The following PHRF1 variants were observed in gnomAD, a reference collection of about 807,000 sequenced individuals.
The protein encoded by PHRF1 is PHD and RING finger domain-containing protein 1.
PHRF1 carries 53 observed loss-of-function variants against 128.9 expected under a neutral mutation model. The observed-to-expected ratio is 0.41, with a 90% CI of 0.33 to 0.52. The LOEUF is 0.52. Ranked by LOEUF, PHRF1 falls within the 20% of genes least tolerant of loss-of-function variation. The pLI, the probability that PHRF1 is intolerant of heterozygous loss-of-function variation, is 0.21. For missense variants in PHRF1, 2,503 were observed against 2,284.5 expected (o/e 1.10, Z -1.95); for synonymous variants, 1,178 against 980.6 (o/e 1.20, Z -3.76).
chr11:584,173 A>G (rs1327685779), intron 3 of PHRF1, among the ~76,000 whole-genome samples: 1 of 152,154 alleles, frequency 6.6e-6, no homozygotes, highest in Non-Finnish European at 1.5e-5. Flanking sequence ...TTGGGTCTGC[A>G]GGTCCTGAGG....
chr11:595,325 TA>T (rs1855217959), intron 6 of PHRF1, among the ~76,000 whole-genome samples: 2 of 152,308 alleles, frequency 1.3e-5, no homozygotes, highest in South Asian at 4.2e-4. Flanking sequence ...AAAAAAACAC[TA>T]TCTGTAGATA....
At position 608,561 on chromosome 11, in the gene PHRF1, A is replaced by T. The variant is rs1453983436; in HGVS notation, c.3105A>T (p.Pro1035=). The part of the protein sequence containing the change: ...SRDRSSRSAS[P]SVGEERPRRQ... ...ACAGGAGCTCGAGGTCAGCGTCACC[A>T]TCAGTGGGTGAGGAGCGCCCCAGGA... Residue 1035 remains proline, a synonymous_variant, in exon 14 of 18, where the codon CCA becomes CCT. Coordinates refer to ENST00000264555, the MANE Select transcript of PHRF1 (RefSeq NM_001286581.2). 1 of 1,612,184 alleles carries T rather than the reference A, an allele frequency of 6.2e-7. No individual in the cohort carries two copies. Among genetic ancestry groups the T allele is most frequent in the African/African-American group, 1.3e-5 (1 of 74,920 alleles).
intron 1 of PHRF1, 50 bp from the exon 2 acceptor site, chr11:581,442 C>G: frequency 1.3e-6 from 2 of 1,550,164 alleles, no homozygotes; most frequent in Non-Finnish European, 1.8e-6. Context: ...TCAGAGGGTT[C>G]TTTGCAGCCT....
At position 608,872 on chromosome 11, in the gene PHRF1, G is replaced by A. The variant is rs1015617174; in HGVS notation, c.3416G>A (p.Arg1139Gln). 5 of 1,612,388 alleles carry A rather than the reference G, an allele frequency of 3.1e-6. No individual in the cohort carries two copies. The highest frequency in any genetic ancestry group is 1.1e-5 in the South Asian group (1 of 91,076). The part of the protein sequence containing the change: ...LERLCRHKHQ[R>Q]ERSHERPDRK... ...AGGCTCTGCAGGCACAAGCATCAGC[G>A]GGAACGCAGCCACGAGCGGCCAGAC... is the stretch of plus-strand genomic sequence containing the variant. The change falls in exon 14 of 18, where the codon CGG (arginine) becomes CAG (glutamine). Residue 1139 changes from arginine to glutamine, a missense_variant. Arg to Gln is a conservative substitution (Grantham distance 43). Transcript: ENST00000264555.
At chr11:600,512 A>ATATATATATATATATATGTATGTATG (rs1437772767) in intron 9 of PHRF1, among the ~76,000 whole-genome samples, 3 of 144,514 alleles carry the variant, frequency 2.1e-5, no homozygotes, top group African/African-American at 7.9e-5. Context: ...ATATATATAT[A>ATATATATATATATATATGTATGTATG]TATATATGGT....
chr11:604,187 C>T (rs557903968), intron 10 of PHRF1, among the ~76,000 whole-genome samples: 8 of 152,328 alleles, frequency 5.3e-5, no homozygotes, highest in Admixed American at 2.6e-4. Flanking sequence ...GTTGGAACCT[C>T]GTCTCCCATC....
Position 607,657 on chromosome 11 carries a change from G to A in PHRF1, c.2201G>A (p.Ser734Asn), listed in dbSNP as rs1856036233. ...GGCACACGGGCAGAGAGCGAGGCCA[G>A]CAGCAGGGTGCCCCGGGAGCCCGGG... ...GRGTRAESEASSRVPREPGVH... is the reference protein window; with the variant it reads ...GRGTRAESEANSRVPREPGVH... Residue 734 changes from serine to asparagine, a missense_variant, in exon 14 of 18, where the codon AGC becomes AAC. Transcript: ENST00000264555. The A allele has an allele frequency of 6.2e-6, 10 of 1,610,542 alleles. No individual in the cohort carries two copies. In the South Asian group the frequency reaches 1.1e-4, roughly 18 times the overall value.
At position 597,651 on chromosome 11, in the gene PHRF1, C is replaced by CCA; in HGVS notation, c.894+81_894+82insCA. 1 of 1,476,796 alleles carries CCA rather than the reference C, an allele frequency of 6.8e-7. No homozygotes were observed. The highest frequency in any genetic ancestry group is 2.1e-5 in the Admixed American group (1 of 48,326). 91.5% of individuals were successfully genotyped at this position (1,476,796 alleles called of 1,614,324 possible). A position where few individuals can be genotyped will look rare whatever the true frequency, so the allele number is the denominator to read the frequency against. ...CGGCAGTCTGGGTGGGTGGGAGGGG[C>CCA]GTCGTCGGCACTGTGGGGTCCGCCC... On this transcript the variant is annotated intron_variant, in intron 8 of 17. Coordinates refer to ENST00000264555, the MANE Select transcript of PHRF1 (RefSeq NM_001286581.2). The surrounding 1 kb of genome is among the most constrained non-coding windows in gnomAD (Gnocchi z 6.5).
At chr11:602,160 C>T (rs1458172115) in intron 10 of PHRF1, among the ~76,000 whole-genome samples, 2 of 152,154 alleles carry the variant, frequency 1.3e-5, no homozygotes, top group Non-Finnish European at 2.9e-5. Flanking sequence ...GCCCTGGGAG[C>T]GGCCTCCTTG....
rs1589856260 is a variant in PHRF1 at position 581,505 on chromosome 11, G to T, written c.-8G>T. The T allele has an allele frequency of 3.1e-6, 5 of 1,613,560 alleles. No homozygotes were observed. The highest frequency in any genetic ancestry group is 4.2e-6 in the Non-Finnish European group (5 of 1,179,830). ...TCTTTCTTTCAGAGCTGAGCTCAAT[G>T]TGCAGCAATGGATGACGACAGCCTG... On this transcript the variant is annotated 5_prime_UTR_variant, in exon 2 of 18. The change abolishes an upstream ATG in the 5' untranslated region. Coordinates refer to ENST00000264555, the MANE Select transcript of PHRF1 (RefSeq NM_001286581.2).
intron 5 of PHRF1, 102 bp downstream of exon 5, chr11:591,569 G>T: frequency 2.0e-6 from 2 of 995,642 alleles, no homozygotes; most frequent in Non-Finnish European, 1.4e-6. Flanking sequence ...TGAAATGAGG[G>T]TTGGTTAAAT....
intron 3 of PHRF1, among the ~76,000 whole-genome samples, chr11:586,223 A>C (rs1157696728): frequency 6.6e-6 from 1 of 151,108 alleles, no homozygotes; most frequent in African/African-American, 2.4e-5. Flanking sequence ...CTATCTCCTG[A>C]CCTCGTGATC....
rs774665748 is a variant in PHRF1, at chr11:608,462, G to A, written c.3006G>A (p.Arg1002=). The A allele has an allele frequency of 8.7e-6, 14 of 1,612,540 alleles. No individual in the cohort carries two copies. The highest frequency in any genetic ancestry group is 1.1e-5 in the Non-Finnish European group (13 of 1,179,846). The change falls in exon 14 of 18, where the codon AGG becomes AGA. Residue 1002 remains arginine (R), a synonymous_variant. Transcript: ENST00000264555. ...RSRSTSSSRS[R]KKAKRKRVSR... ...GCTCCACATCCAGCTCCCGCAGCAG[G>A]AAGAAGGCCAAGAGGAAGAGGGTGT...
chr11:598,421 G>A lies in PHRF1; in HGVS notation c.943G>A (p.Ala315Thr). The change falls in exon 9 of 18, where the codon GCT becomes ACT. Residue 315 changes from alanine (A) to threonine (T), a missense_variant. Ala to Thr is a moderately conservative substitution (Grantham distance 58). Coordinates refer to ENST00000264555, the MANE Select transcript of PHRF1 (RefSeq NM_001286581.2). ...GSSLLDEAIE[A>T]VATGLSTAVY... ...TTCCCTGCTGGATGAAGCCATCGAG[G>A]CTGTGGCGACTGGCCTGAGCACTGC... 1.2e-6 allele frequency: 2 copies of A among 1,610,378 alleles called. No individual in the cohort carries two copies. The highest frequency in any genetic ancestry group is 8.5e-7 in the Non-Finnish European group (1 of 1,179,576).
chr11:611,360 G>A lies in PHRF1; in HGVS notation c.4807-274G>A, dbSNP rs560118323. Among the ~76,000 whole-genome samples the A allele has an allele frequency of 1.6e-3, 243 of 152,300 alleles. 1 individual carries two copies. Among genetic ancestry groups the A allele is most frequent in the Non-Finnish European group, 2.9e-3 (198 of 68,024 alleles). On this transcript the variant is annotated intron_variant, in intron 17 of 17. Transcript: ENST00000264555. ...ACGCCCAGCTTACAGGTGGGAGAAC[G>A]ACCCCCAGAGGTGAGCAGTTGCCTG...
At chr11:581,348 G>A in intron 1 of PHRF1, 144 bp from the exon 2 acceptor site, 1 of 657,750 alleles carries the variant, frequency 1.5e-6, no homozygotes, top group Non-Finnish European at 2.6e-6. Flanking sequence ...TGTTCTGTGG[G>A]TGATATCTCA....
chr11:584,398 G>A (rs574052770), intron 3 of PHRF1, among the ~76,000 whole-genome samples: 30 of 152,224 alleles, frequency 2.0e-4, no homozygotes, highest in Non-Finnish European at 3.5e-4. Context: ...CCCCCACCGT[G>A]TCTGCGCTCA....
In PHRF1 at chr11:606,573, G is replaced by T. The variant is rs1032120542; in HGVS notation, c.1586G>T (p.Gly529Val). 1.9e-6 allele frequency: 3 copies of T among 1,607,130 alleles called. No individual in the cohort carries two copies. Among genetic ancestry groups the T allele is most frequent in the Non-Finnish European group, 2.5e-6 (3 of 1,177,612 alleles). The part of the protein sequence containing the change: ...GSSDVIIHRD[G>V]SLSAKRAAPV... ...AGTGATGTCATCATCCACCGCGACG[G>T]CTCCCTCAGCGCCAAGAGGGCGGGT... Residue 529 changes from glycine (G) to valine (V), a missense_variant, in exon 13 of 18, where the codon GGC becomes GTC. Gly to Val is a moderately radical substitution (Grantham distance 109, BLOSUM62 -3). Transcript: ENST00000264555.
rs1159024015 is a variant in PHRF1, at chr11:597,280, G to A, written c.719-115G>A. On this transcript the variant is annotated intron_variant, in intron 7 of 17. Transcript: ENST00000264555. The surrounding 1 kb of genome is among the most constrained non-coding windows in gnomAD (Gnocchi z 6.5). ...GGCTCCATGAGCAGCCCTGGGTCCTGTGCACAGGTCAGCCCGAGCCAGGGC... is the reference window on the plus strand; with the variant it reads ...GGCTCCATGAGCAGCCCTGGGTCCTATGCACAGGTCAGCCCGAGCCAGGGC... 7.4e-7 allele frequency: 1 copy of A among 1,343,602 alleles called. No individual in the cohort carries two copies. Among genetic ancestry groups the A allele is most frequent in the East Asian group, 2.5e-5 (1 of 39,914 alleles). 83.2% of individuals were successfully genotyped at this position (1,343,602 alleles called of 1,614,324 possible).
Sources: gnomAD v4.1 joint callset for allele counts (sites outside exome capture counted in the v4.1 genomes callset) on GRCh38, gnomAD v4.1.1 for gene constraint, Gnocchi (gnomAD v3.1) non-coding constraint, MANE v1.5 for transcripts, NCBI Gene and HGNC (gene_info 2026-07-23, HGNC 2026-07-21) for gene names.